Variants in FANCI observed in about 807,000 individuals in gnomAD.
The protein encoded by FANCI is FA complementation group I, also known as Fanconi anemia group I protein.
In FANCI, 156 loss-of-function variants were observed where a neutral mutation model predicts 176.1. The ratio of observed to expected loss-of-function variants is 0.89; its 90% CI spans 0.78 to 1.01. FANCI has a LOEUF of 1.01. Among genes scored for constraint, FANCI ranks in the 50% least tolerant of loss-of-function variants. The pLI, the probability that FANCI is intolerant of heterozygous loss-of-function variation, is 0.00. For missense variants in FANCI, 1,678 were observed against 1,534.1 expected, an observed-to-expected ratio of 1.09 and a Z score of -1.57; for synonymous variants, 613 against 541.7, an observed-to-expected ratio of 1.13 and a Z score of -1.83.
rs557663169 is a variant in FANCI at position 89,283,391 on chromosome 15, A to C, written c.1698+141A>C. On this transcript the variant is annotated intron_variant, in intron 17 of 37. Coordinates refer to ENST00000310775, the MANE Select transcript of FANCI (RefSeq NM_001113378.2). ...GAGTCTGATGATGATGATGGTGCTG[A>C]TGATGATGATGATGATGATATTGGC... 3.0e-4 allele frequency: 309 copies of C among 1,044,756 alleles called. 1 individual carries two copies. Among genetic ancestry groups the C allele is most frequent in the Admixed American group, 6.2e-4 (29 of 46,724 alleles). 64.7% of individuals were successfully genotyped at this position (1,044,756 alleles called of 1,614,324 possible). A position where few individuals can be genotyped will look rare whatever the true frequency, so the allele number is the denominator to read the frequency against.
intron 12 of FANCI, among the ~76,000 whole-genome samples, chr15:89,274,736 C>G (rs2151461090): frequency 6.6e-6 from 1 of 150,928 alleles, no homozygotes; most frequent in Middle Eastern, 3.5e-3. Context: ...TCTCGAGTAC[C>G]TGGTATTACA....
At chr15:89,269,486 T>G (rs886449851) in intron 10 of FANCI, among the ~76,000 whole-genome samples, 1 of 152,212 alleles carries the variant, frequency 6.6e-6, no homozygotes, top group African/African-American at 2.4e-5. Flanking sequence ...TTAGACTGAT[T>G]TTTTTGAAGC....
At chr15:89,264,096 AC>A in intron 8 of FANCI, 70 bp downstream of exon 8, 1 of 1,573,430 alleles carries the variant, frequency 6.4e-7, no homozygotes, top group Non-Finnish European at 8.7e-7. Flanking sequence ...ACTTATTCAT[AC>A]CCTTGGTTTA....
chr15:89,247,095 G>C (rs942365351), intron 1 of FANCI, among the ~76,000 whole-genome samples: 1 of 149,608 alleles, frequency 6.7e-6, no homozygotes, highest in Non-Finnish European at 1.5e-5. Flanking sequence ...TTAAGAGACA[G>C]GGTCTTACCT....
chr15:89,305,512 G>C, intron 30 of FANCI, 93 bp from the exon 31 acceptor site: 3 of 1,600,036 alleles, frequency 1.9e-6, no homozygotes, highest in Non-Finnish European at 2.6e-6. Context: ...CCTGAGGCCT[G>C]TAACCCACCT....
Position 89,276,876 on chromosome 15 carries a change from G to C in FANCI, c.1278G>C (p.Leu426=). ...CATGTAAGCTCGGAGCTAATATCCT[G>C]TTGGAAACTTTTAAGGTGAGACACT... ...QHACKLGANI[L]LETFKIHEMI... Residue 426 remains leucine, a synonymous_variant, in exon 13 of 38, where the codon CTG becomes CTC. Transcript: ENST00000310775. 6.2e-7 allele frequency: 1 copy of C among 1,614,120 alleles called. No homozygotes were observed. The highest frequency in any genetic ancestry group is 8.5e-7 in the Non-Finnish European group (1 of 1,180,026).
rs1365939716 is a variant in FANCI at position 89,285,233 on chromosome 15, T to C, written c.1821+15T>C. On this transcript the variant is annotated intron_variant, in intron 18 of 37. Transcript: ENST00000310775. ...TGCTTTATGAGGTAAGTCCGTAGAA[T>C]GGAAAGAATGTAGCAAAACCCCAAC... is the stretch of plus-strand genomic sequence containing the variant. 1 of 1,613,952 alleles carries C rather than the reference T, an allele frequency of 6.2e-7. No individual in the cohort carries two copies. The highest frequency in any genetic ancestry group is 8.5e-7 in the Non-Finnish European group (1 of 1,179,906).
chr15:89,262,580 C>A (rs897157338), intron 6 of FANCI, among the ~76,000 whole-genome samples: 3 of 152,102 alleles, frequency 2.0e-5, no homozygotes, highest in African/African-American at 7.2e-5. Flanking sequence ...TTAAAAAGAA[C>A]AAGAAGGGAA....
chr15:89,312,798 G>T, intron 34 of FANCI, 106 bp from the exon 35 acceptor site: 1 of 846,902 alleles, frequency 1.2e-6, no homozygotes. Flanking sequence ...CAGCCTGGGT[G>T]ACAGCAAAGC....
chr15:89,293,127 A>G (rs906685997), intron 22 of FANCI, 64 bp downstream of exon 22: 1 of 1,564,458 alleles, frequency 6.4e-7, no homozygotes, highest in Non-Finnish European at 8.8e-7. Flanking sequence ...ACATATTTTT[A>G]CTGTAGCAGT....
intron 34 of FANCI, among the ~76,000 whole-genome samples, chr15:89,310,949 C>G (rs1011106371): frequency 6.6e-6 from 1 of 152,000 alleles, no homozygotes; most frequent in African/African-American, 2.4e-5. Flanking sequence ...ATGGTGAAAT[C>G]CCGTCTCAAC....
intron 19 of FANCI, among the ~76,000 whole-genome samples, chr15:89,291,277 A>G (rs902831836): frequency 6.6e-6 from 1 of 152,182 alleles, no homozygotes; most frequent in Non-Finnish European, 1.5e-5. Context: ...AAAAACCAGT[A>G]ATAAGTAGTG....
chr15:89,303,979 G>T, intron 28 of FANCI, 64 bp downstream of exon 28: 1 of 1,499,736 alleles, frequency 6.7e-7, no homozygotes, highest in South Asian at 1.1e-5. Context: ...AGTGGCATTT[G>T]GAAAAGAAAA....
At chr15:89,278,815 T>C in intron 14 of FANCI, 41 bp downstream of exon 14, 4 of 1,528,518 alleles carry the variant, frequency 2.6e-6, no homozygotes, top group Non-Finnish European at 3.6e-6. Context: ...TTTAGAAATA[T>C]TTTCATTTCA....
At chr15:89,307,234 C>A (rs1178044990) in intron 32 of FANCI, among the ~76,000 whole-genome samples, 2 of 152,218 alleles carry the variant, frequency 1.3e-5, no homozygotes. Context: ...CATGCAGGGA[C>A]TACCAGCCTG....
intron 16 of FANCI, chr15:89,282,207 C>T (rs527534420): frequency 1.4e-5 from 4 of 286,996 alleles, no homozygotes; most frequent in African/African-American, 8.7e-5. Context: ...GAATAATCTT[C>T]AGGGTAATGT....
rs577441497 is a variant in FANCI, at chr15:89,252,638, G to A, written c.84+4907G>A. ...GCCTGTAGTCTCAGCTACTCAGGAG[G>A]CTGAGGCAGGAGAATTGCTTGAACC... On this transcript the variant is annotated intron_variant, in intron 2 of 37. Coordinates refer to ENST00000310775, the MANE Select transcript of FANCI (RefSeq NM_001113378.2). Among the ~76,000 whole-genome samples the A allele has an allele frequency of 2.0e-5, 3 of 152,286 alleles. No homozygotes were observed. The South Asian group carries it at 6.2e-4, about 32-fold the overall frequency.
rs2055277996 is a variant in FANCI at position 89,316,714 on chromosome 15, A to C, written c.*255A>C. 6.5e-7 allele frequency: 1 copy of C among 1,535,824 alleles called. No homozygotes were observed. The highest frequency in any genetic ancestry group is 9.0e-7 in the Non-Finnish European group (1 of 1,108,766). The stretch of plus-strand genomic sequence containing the variant: ...TTGGGAGCCTGCACCACCCCGATGA[A>C]GCTCCACGGGAGCAAATACAGAGCC... On this transcript the variant is annotated 3_prime_UTR_variant, in exon 38 of 38. Transcript: ENST00000310775.
chr15:89,261,640 C>G lies in FANCI; in HGVS notation c.344C>G (p.Ala115Gly), dbSNP rs759169949. 6.2e-7 allele frequency: 1 copy of G among 1,614,128 alleles called. No homozygotes were observed. Among genetic ancestry groups the G allele is most frequent in the East Asian group, 2.2e-5 (1 of 44,872 alleles). ...GAATTAGCCAATGAGTTTATTAGTG[C>G]TGTCAGAGAAGGCAGCCTAGTGAAT... The part of the protein sequence containing the change: ...LVELANEFIS[A>G]VREGSLVNGK... The change falls in exon 5 of 38, where the codon GCT becomes GGT. Residue 115 changes from alanine to glycine, a missense_variant. By Grantham distance (60) the Ala-to-Gly change is moderately conservative. Coordinates refer to ENST00000310775, the MANE Select transcript of FANCI (RefSeq NM_001113378.2).
Sources: allele counts gnomAD v4.1 joint callset (sites outside exome capture counted in the v4.1 genomes callset), GRCh38; gene constraint gnomAD v4.1.1; transcripts MANE v1.5; gene names NCBI Gene and HGNC (gene_info 2026-07-23, HGNC 2026-07-21).